The following FOCAD variants were observed in gnomAD, a reference collection of about 807,000 sequenced individuals.
FOCAD encodes the protein focadhesin.
Under a neutral mutation model 225.6 loss-of-function variants are expected in FOCAD, and 198 were observed. That is an observed-to-expected ratio of 0.88 (90% CI 0.78 to 0.99). FOCAD has a LOEUF of 0.99. Ranked by LOEUF, FOCAD falls within the 50% of genes least tolerant of loss-of-function variation. FOCAD has a pLI of 0.00. For synonymous variants in FOCAD, 897 were observed against 755.0 expected (o/e 1.19, Z -3.08); for missense variants, 2,713 against 2,123.6 (o/e 1.28, Z -5.46).
At chr9:20,865,812 C>T in intron 16 of FOCAD, 114 bp from the exon 17 acceptor site, 1 of 648,250 alleles carries the variant, frequency 1.5e-6, no homozygotes, top group South Asian at 2.2e-5. Flanking sequence ...AAGTGAATTT[C>T]TGGTGGTGTT....
rs544783278 is a variant in FOCAD at position 20,893,468 on chromosome 9, G to A, written c.2625+8238G>A. 7.0e-4 allele frequency among the ~76,000 whole-genome samples: 107 copies of A among 152,058 alleles called. 1 individual carries two copies. Among genetic ancestry groups the A allele is most frequent in the African/African-American group, 2.5e-3 (102 of 41,484 alleles). ...AATTAGTGATAAATCTAATGATTGC[G>A]GTGGTCTTACTAAGAAATAGGATCT... On this transcript the variant is annotated intron_variant, in intron 21 of 43. Transcript: ENST00000338382.
chr9:20,704,825 G>C (rs1824249168), intron 1 of FOCAD, among the ~76,000 whole-genome samples: 1 of 152,136 alleles, frequency 6.6e-6, no homozygotes, highest in South Asian at 2.1e-4. Flanking sequence ...TCTACAAAAT[G>C]TATTATAATG....
chr9:20,676,471 T>A (rs1247831781), intron 2 of FOCAD, among the ~76,000 whole-genome samples: 6 of 152,158 alleles, frequency 3.9e-5, no homozygotes, highest in African/African-American at 1.2e-4. Flanking sequence ...TTTCTCAATA[T>A]AAAATTACAA....
intron 26 of FOCAD, 144 bp downstream of exon 26, chr9:20,926,561 A>G (rs1564161996): frequency 2.2e-5 from 13 of 579,944 alleles, no homozygotes; most frequent in Non-Finnish European, 1.9e-5. Context: ...AGGTGGGCGG[A>G]TCACCTGAGG....
At chr9:20,851,901 A>C (rs1016092941) in intron 15 of FOCAD, among the ~76,000 whole-genome samples, 2 of 151,822 alleles carry the variant, frequency 1.3e-5, no homozygotes. Context: ...TGTATTGTCC[A>C]TGGCTGCTTT....
intron 1 of FOCAD, among the ~76,000 whole-genome samples, chr9:20,688,063 T>C (rs575081279): frequency 3.0e-4 from 46 of 152,212 alleles, no homozygotes; most frequent in Non-Finnish European, 4.4e-4. Flanking sequence ...AGATAGAGAA[T>C]AGATCAACTT....
chr9:20,976,632 G>T (rs781691362), intron 36 of FOCAD, 84 bp downstream of exon 36: 45 of 1,383,962 alleles, frequency 3.3e-5, no homozygotes, highest in Non-Finnish European at 4.5e-5. Flanking sequence ...GTCACAATGT[G>T]TAGTGACTGG....
intron 39 of FOCAD, 70 bp downstream of exon 39, chr9:20,982,516 G>GCCAAACACTGAAA: frequency 1.6e-6 from 2 of 1,277,904 alleles, no homozygotes; most frequent in Non-Finnish European, 2.2e-6. Flanking sequence ...ATTGATTTCA[G>GCCAAACACTGAAA]TGTTTGGCTG....
chr9:20,963,998 G>A (rs189502872), intron 35 of FOCAD, among the ~76,000 whole-genome samples: 7 of 152,162 alleles, frequency 4.6e-5, no homozygotes, highest in Middle Eastern at 3.4e-3. Flanking sequence ...ATAGATACTC[G>A]GTAAATAGTT....
chr9:20,871,576 A>C (rs371697184), intron 18 of FOCAD, among the ~76,000 whole-genome samples: 2 of 151,900 alleles, frequency 1.3e-5, no homozygotes, highest in East Asian at 1.9e-4. Flanking sequence ...TCTTTTAAGA[A>C]GTGACCAGAG....
intron 35 of FOCAD, among the ~76,000 whole-genome samples, chr9:20,956,287 G>A (rs1172699149): frequency 6.6e-6 from 1 of 152,202 alleles, no homozygotes; most frequent in African/African-American, 2.4e-5. Flanking sequence ...ATGAAATCAT[G>A]GAGTTGGTTG....
At chr9:20,834,886 T>A (rs1486199592) in intron 15 of FOCAD, among the ~76,000 whole-genome samples, 1 of 152,122 alleles carries the variant, frequency 6.6e-6, no homozygotes, top group Non-Finnish European at 1.5e-5. Context: ...TATGAAAAAG[T>A]AAAATATCTT....
intron 21 of FOCAD, among the ~76,000 whole-genome samples, chr9:20,886,738 A>T (rs901605950): frequency 6.6e-6 from 1 of 152,190 alleles, no homozygotes; most frequent in Non-Finnish European, 1.5e-5. Flanking sequence ...TTTAGACTGG[A>T]TTCCATATTC....
At chr9:20,864,308 TACA>T (rs920471741) in intron 16 of FOCAD, among the ~76,000 whole-genome samples, 18 of 152,106 alleles carry the variant, frequency 1.2e-4, no homozygotes, top group Non-Finnish European at 2.4e-4. Context: ...CCAACCTGTT[TACA>T]ACAAGTCCAT....
intron 10 of FOCAD, among the ~76,000 whole-genome samples, chr9:20,784,204 T>G (rs1587148066): frequency 6.6e-6 from 1 of 152,152 alleles, no homozygotes; most frequent in Non-Finnish European, 1.5e-5. Context: ...GCTGGTCCAC[T>G]GGAAGCCACC....
intron 21 of FOCAD, among the ~76,000 whole-genome samples, chr9:20,888,914 T>C (rs919255265): frequency 1.3e-5 from 2 of 152,216 alleles, no homozygotes; most frequent in African/African-American, 4.8e-5. Flanking sequence ...AACCTGTTTC[T>C]TGTGCAAATT....
intron 40 of FOCAD, 68 bp from the exon 41 acceptor site, chr9:20,988,264 G>T (rs1288281324): frequency 1.1e-5 from 10 of 943,858 alleles, no homozygotes; most frequent in Non-Finnish European, 1.3e-5. Context: ...TATGATGGTT[G>T]TTACTGATCT....
In FOCAD at chr9:20,976,824, A is replaced by G. The variant is rs899965932; in HGVS notation, c.4261+276A>G. Among the ~76,000 whole-genome samples the G allele has an allele frequency of 1.3e-5, 2 of 152,192 alleles. 1 individual carries two copies. Among genetic ancestry groups the G allele is most frequent in the African/African-American group, 4.8e-5 (2 of 41,450 alleles). On this transcript the variant is annotated intron_variant, in intron 36 of 43. Transcript: ENST00000338382. ...CTGGGAATGTGGTACAGGTTCCATT[A>G]AGCTTGCCTTTGTGGTTATCAAACT...
In FOCAD at chr9:20,929,450, T is replaced by C. The variant is rs1439371444; in HGVS notation, c.3171T>C (p.Ser1057=). 1.2e-6 allele frequency: 2 copies of C among 1,614,034 alleles called. No individual in the cohort carries two copies. The highest frequency in any genetic ancestry group is 1.7e-6 in the Non-Finnish European group (2 of 1,180,034). Residue 1057 remains serine (S), a synonymous_variant, in exon 27 of 44, where the codon TCT becomes TCC. Transcript: ENST00000338382. Reference sequence around the variant, plus strand: ...TCCTTGTGCCAGTTTTCATTATCTCTTGCAAAGAGAAGGTTGAGGAAATCC... The same window carrying C: ...TCCTTGTGCCAGTTTTCATTATCTCCTGCAAAGAGAAGGTTGAGGAAATCC... ...LSLLVPVFII[S]CKEKVEEILN...
Sources: gnomAD v4.1 joint callset for allele counts (sites outside exome capture counted in the v4.1 genomes callset) on GRCh38, gnomAD v4.1.1 for gene constraint, MANE v1.5 for transcripts, NCBI Gene and HGNC (gene_info 2026-07-23, HGNC 2026-07-21) for gene names.